Variants in IQGAP2 observed in about 807,000 individuals in gnomAD.
IQGAP2 encodes the protein ras GTPase-activating-like protein IQGAP2.
Under a neutral mutation model 201.3 loss-of-function variants are expected in IQGAP2, and 173 were observed. The observed-to-expected ratio is 0.86, with a 90% confidence interval of 0.76 to 0.98. The LOEUF is 0.98. Ranked by LOEUF, IQGAP2 falls within the 50% of genes least tolerant of loss-of-function variation. The pLI, the probability that IQGAP2 is intolerant of heterozygous loss-of-function variation, is 0.00. For missense variants in IQGAP2, 1,687 were observed against 1,864.8 expected, an observed-to-expected ratio of 0.90 and a Z score of 1.76; for synonymous variants, 675 against 673.9, an observed-to-expected ratio of 1.00 and a Z score of -0.03.
At chr5:76,622,274 C>A (rs1195433106) in intron 13 of IQGAP2, among the ~76,000 whole-genome samples, 1 of 152,184 alleles carries the variant, frequency 6.6e-6, no homozygotes, top group Non-Finnish European at 1.5e-5. Flanking sequence ...GGCCCATCTA[C>A]TCCCAGAAAG....
chr5:76,433,742 A>C (rs1277802772), intron 1 of IQGAP2, among the ~76,000 whole-genome samples: 1 of 152,234 alleles, frequency 6.6e-6, no homozygotes, highest in Non-Finnish European at 1.5e-5. Flanking sequence ...AAATGTCAGG[A>C]AGTTGAGGCG....
chr5:76,541,127 T>A (rs1742743796), intron 2 of IQGAP2, among the ~76,000 whole-genome samples: 1 of 152,144 alleles, frequency 6.6e-6, no homozygotes, highest in African/African-American at 2.4e-5. Flanking sequence ...CATTCTCCAT[T>A]TCCAGAAATT....
chr5:76,683,846 T>A lies in IQGAP2; in HGVS notation c.3834T>A (p.Ile1278=), dbSNP rs763273373. Residue 1278 remains isoleucine (I), a synonymous_variant, in exon 30 of 36, where the codon ATT becomes ATA. Transcript: ENST00000274364. ...NTLSQLSKTE[I]SLVLTSKYDI... is the part of the protein sequence containing the mutation. ...TAAGTCAGCTTTCAAAGACCGAGAT[T>A]TCTCTTGTCTTGACAAGCAAATATG... is the stretch of plus-strand genomic sequence containing the variant. 5.0e-6 allele frequency: 8 copies of A among 1,613,610 alleles called. No individual in the cohort carries two copies. The South Asian group carries it at 8.8e-5, about 18-fold the overall frequency.
chr5:76,406,803 T>C (rs1331385590), intron 1 of IQGAP2, among the ~76,000 whole-genome samples: 1 of 146,004 alleles, frequency 6.8e-6, no homozygotes, highest in East Asian at 2.0e-4. Flanking sequence ...AATGATTGCA[T>C]AGGCAAGAAC....
chr5:76,646,840 T>G (rs1752077719), intron 17 of IQGAP2, among the ~76,000 whole-genome samples: 1 of 152,182 alleles, frequency 6.6e-6, no homozygotes, highest in African/African-American at 2.4e-5. Flanking sequence ...ATATTTAAGT[T>G]TACTCATGTA....
Position 76,698,166 on chromosome 5 carries a change from A to C in IQGAP2, c.4367+19A>C, listed in dbSNP as rs41271838. The C allele has an allele frequency of 1.2e-5, 18 of 1,534,876 alleles. No homozygotes were observed. Among genetic ancestry groups the C allele is most frequent in the African/African-American group, 1.4e-5 (1 of 72,658 alleles). ...AAAGAAAGTAAGTTAAAATCATGTCATGTTCATTTGTAATGTCATGATTTC... is the reference window on the plus strand; with the variant it reads ...AAAGAAAGTAAGTTAAAATCATGTCCTGTTCATTTGTAATGTCATGATTTC... On this transcript the variant is annotated intron_variant, in intron 33 of 35. Coordinates refer to ENST00000274364, the MANE Select transcript of IQGAP2 (RefSeq NM_006633.5).
intron 16 of IQGAP2, among the ~76,000 whole-genome samples, chr5:76,639,405 G>A (rs1045728591): frequency 6.6e-6 from 1 of 152,062 alleles, no homozygotes; most frequent in African/African-American, 2.4e-5. Context: ...AACATAAGTT[G>A]GTGGCTTAAG....
At chr5:76,519,711 G>GTT (rs929777722) in intron 2 of IQGAP2, among the ~76,000 whole-genome samples, 97 of 152,214 alleles carry the variant, frequency 6.4e-4, no homozygotes, top group African/African-American at 2.0e-3. Context: ...TAAGCTTTTT[G>GTT]TTTTAGCCAT....
intron 2 of IQGAP2, chr5:76,547,343 C>T (rs911033666): frequency 1.7e-5 from 9 of 532,006 alleles, no homozygotes; most frequent in Non-Finnish European, 1.9e-5. Flanking sequence ...GGCTTTATGG[C>T]ATTCTCTTGG....
chr5:76,469,987 T>G (rs1580261766), intron 2 of IQGAP2, among the ~76,000 whole-genome samples: 1 of 152,220 alleles, frequency 6.6e-6, no homozygotes, highest in African/African-American at 2.4e-5. Context: ...ATTGCTTAAC[T>G]GGGTCCTCTG....
chr5:76,556,077 G>A (rs1743924380), intron 2 of IQGAP2, among the ~76,000 whole-genome samples: 1 of 152,178 alleles, frequency 6.6e-6, no homozygotes, highest in Non-Finnish European at 1.5e-5. Flanking sequence ...ATAGGTAGAA[G>A]AGAAGAGAGA....
intron 11 of IQGAP2, among the ~76,000 whole-genome samples, chr5:76,604,956 A>G (rs1747698328): frequency 6.6e-6 from 1 of 152,188 alleles, no homozygotes; most frequent in Admixed American, 6.5e-5. Flanking sequence ...TAGACTTCAT[A>G]TAATGTTTCT....
chr5:76,650,200 C>G (rs897342735), intron 17 of IQGAP2, among the ~76,000 whole-genome samples: 2 of 152,144 alleles, frequency 1.3e-5, no homozygotes, highest in Admixed American at 6.5e-5. Flanking sequence ...AAATCCAAAC[C>G]ATATTAAGGC....
chr5:76,569,451 G>C (rs1304683721), intron 3 of IQGAP2, among the ~76,000 whole-genome samples: 1 of 151,822 alleles, frequency 6.6e-6, no homozygotes, highest in Admixed American at 6.6e-5. Flanking sequence ...AAATAGGAAT[G>C]ATAATTACCT....
chr5:76,625,463 T>C (rs1750137875), intron 13 of IQGAP2, among the ~76,000 whole-genome samples: 1 of 152,186 alleles, frequency 6.6e-6, no homozygotes, highest in Non-Finnish European at 1.5e-5. Context: ...TTTCCTCCTC[T>C]AGTCTTCCCC....
At position 76,641,080 on chromosome 5, in the gene IQGAP2, G is replaced by C; in HGVS notation, c.2071G>C (p.Glu691Gln). 1 of 1,603,182 alleles carries C rather than the reference G, an allele frequency of 6.2e-7. No homozygotes were observed. The highest frequency in any genetic ancestry group is 8.5e-7 in the Non-Finnish European group (1 of 1,171,162). ...TAGAAAATCATTTTTGCATGAACAA[G>C]AAGAGAATGTGGTCAAAATACAGGT... is the stretch of plus-strand genomic sequence containing the variant. ...EARKSFLHEQ[E>Q]ENVVKIQAFW... The change falls in exon 17 of 36, where the codon GAA becomes CAA. Residue 691 changes from glutamate (E) to glutamine (Q), a missense_variant. Coordinates refer to ENST00000274364, the MANE Select transcript of IQGAP2 (RefSeq NM_006633.5).
At chr5:76,420,254 T>G (rs866715326) in intron 1 of IQGAP2, among the ~76,000 whole-genome samples, 6 of 150,378 alleles carry the variant, frequency 4.0e-5, no homozygotes, top group South Asian at 4.2e-4. Context: ...TTTGTATGTG[T>G]TTTTTTTTGT....
At chr5:76,700,489 A>AATTTG (rs1310549386) in intron 33 of IQGAP2, among the ~76,000 whole-genome samples, 4 of 148,258 alleles carry the variant, frequency 2.7e-5, no homozygotes, top group African/African-American at 9.9e-5. Context: ...GCAATAGAGC[A>AATTTG]AGATTCCATC....
chr5:76,517,155 G>C (rs1041700205), intron 2 of IQGAP2, among the ~76,000 whole-genome samples: 11 of 151,828 alleles, frequency 7.2e-5, no homozygotes, highest in African/African-American at 2.7e-4. Context: ...CCTGAGTCAG[G>C]TTAACACTTA....
Sources: allele counts gnomAD v4.1 joint callset (sites outside exome capture counted in the v4.1 genomes callset), GRCh38; gene constraint gnomAD v4.1.1; transcripts MANE v1.5; gene names NCBI Gene and HGNC (gene_info 2026-07-23, HGNC 2026-07-21).